MACROD2: variants seen among roughly 807,000 people sequenced by gnomAD.
MACROD2 encodes mono-ADP ribosylhydrolase 2, also known as ADP-ribose glycohydrolase MACROD2.
A neutral mutation model predicts 70.4 loss-of-function variants in MACROD2; 36 were observed. The ratio of observed to expected loss-of-function variants is 0.51; its 90% CI spans 0.39 to 0.68. The LOEUF is 0.68. MACROD2 is among the 30% of genes least tolerant of loss of function. MACROD2 has a pLI of 0.00. For synonymous variants in MACROD2, 172 were observed against 178.8 expected, an observed-to-expected ratio of 0.96 and a Z score of 0.30; for missense variants, 496 against 538.4, an observed-to-expected ratio of 0.92 and a Z score of 0.78.
chr20:14,186,619 T>C (rs777869366), intron 3 of MACROD2, among the ~76,000 whole-genome samples: 1 of 152,110 alleles, frequency 6.6e-6, no homozygotes, highest in Non-Finnish European at 1.5e-5. Flanking sequence ...CGAAACTAAA[T>C]CATTCTGCCA....
chr20:15,217,664 C>A (rs904889083), intron 5 of MACROD2, among the ~76,000 whole-genome samples: 7 of 152,156 alleles, frequency 4.6e-5, no homozygotes, highest in Non-Finnish European at 1.0e-4. Flanking sequence ...CATATCATCT[C>A]AACCACAACC....
chr20:15,733,204 C>T (rs919025919), intron 8 of MACROD2, among the ~76,000 whole-genome samples: 1 of 151,894 alleles, frequency 6.6e-6, no homozygotes, highest in Non-Finnish European at 1.5e-5. Context: ...AGTAATGTTC[C>T]TCTTTCATGT....
intron 3 of MACROD2, among the ~76,000 whole-genome samples, chr20:14,425,921 T>C (rs1039145409): frequency 1.3e-5 from 2 of 152,224 alleles, no homozygotes; most frequent in Admixed American, 6.5e-5. Flanking sequence ...CCTTTTACTT[T>C]GTTGATGGTT....
intron 8 of MACROD2, among the ~76,000 whole-genome samples, chr20:15,645,395 A>T (rs2049525556): frequency 6.6e-6 from 1 of 152,174 alleles, no homozygotes; most frequent in African/African-American, 2.4e-5. Flanking sequence ...TTCTCCAATT[A>T]TCTGAGCTTT....
chr20:14,689,454 A>G (rs1461620999), intron 5 of MACROD2, among the ~76,000 whole-genome samples: 1 of 152,208 alleles, frequency 6.6e-6, no homozygotes, highest in Non-Finnish European at 1.5e-5. Flanking sequence ...TGATGAATGA[A>G]TGAATAAAAC....
At position 16,047,983 on chromosome 20, in the gene MACROD2, G is replaced by A. The variant is rs567212088; in HGVS notation, c.1301-1847G>A. ...GGGAGAGAAAAAGGCTCCCAAGATA[G>A]ATAGAAACCGCAAATACACTGTGAG... On this transcript the variant is annotated intron_variant, in intron 17 of 17. Coordinates refer to ENST00000684519, the MANE Select transcript of MACROD2 (RefSeq NM_001351661.2). Among the ~76,000 whole-genome samples the A allele has an allele frequency of 2.0e-5, 3 of 152,258 alleles. No homozygotes were observed. In the East Asian group the frequency reaches 5.8e-4, roughly 29 times the overall value.
intron 5 of MACROD2, among the ~76,000 whole-genome samples, chr20:15,124,273 T>C (rs1175538551): frequency 1.3e-5 from 2 of 151,370 alleles, no homozygotes; most frequent in African/African-American, 4.8e-5. Context: ...TTTTATACTA[T>C]AGGAAAGTAA....
chr20:15,520,260 T>C (rs1459972703), intron 8 of MACROD2, among the ~76,000 whole-genome samples: 1 of 152,224 alleles, frequency 6.6e-6, no homozygotes, highest in African/African-American at 2.4e-5. Flanking sequence ...CTAAATAAAG[T>C]TCCACATGGA....
At chr20:15,421,546 A>T (rs997215454) in intron 6 of MACROD2, among the ~76,000 whole-genome samples, 2 of 152,222 alleles carry the variant, frequency 1.3e-5, no homozygotes, top group Admixed American at 6.5e-5. Flanking sequence ...ATCAATATAC[A>T]CTGACATTGA....
Position 14,153,035 on chromosome 20 carries a change from TTA to T in MACROD2, c.271+67310_271+67311del, listed in dbSNP as rs572234642. On this transcript the variant is annotated intron_variant, in intron 3 of 17. Transcript: ENST00000684519. ...TAGATAAAAAATAAATTAAATGTTA[TTA>T]TAGATAGATGTCAATAATCAACTCT... Among the ~76,000 whole-genome samples the T allele has an allele frequency of 9.0e-4, 137 of 152,324 alleles. 1 individual carries two copies. The highest frequency in any genetic ancestry group is 3.1e-3 in the African/African-American group (128 of 41,560).
intron 3 of MACROD2, among the ~76,000 whole-genome samples, chr20:14,401,875 G>A (rs2083641498): frequency 6.6e-6 from 1 of 152,074 alleles, no homozygotes; most frequent in Non-Finnish European, 1.5e-5. Context: ...TCTTGTATGG[G>A]AGAGGGTGTG....
At chr20:14,732,469 A>T (rs2071610799) in intron 5 of MACROD2, among the ~76,000 whole-genome samples, 1 of 152,158 alleles carries the variant, frequency 6.6e-6, no homozygotes, top group Non-Finnish European at 1.5e-5. Context: ...TAGATTTATG[A>T]AGGGGGAAAA....
chr20:14,407,680 G>A (rs2083706545), intron 3 of MACROD2, among the ~76,000 whole-genome samples: 1 of 152,130 alleles, frequency 6.6e-6, no homozygotes, highest in South Asian at 2.1e-4. Context: ...TACATTTACT[G>A]AAACTACCAA....
chr20:15,088,400 TATATATATATATATATATATATATATA>T (rs2075765682), intron 5 of MACROD2, among the ~76,000 whole-genome samples: 14 of 7,402 alleles, frequency 1.9e-3, no homozygotes, highest in African/African-American at 5.3e-3. Flanking sequence ...CTATATTTTA[TATATATATATATATATATATATATATA>T]TATATATATA....
At chr20:14,398,421 T>G (rs2122827531) in intron 3 of MACROD2, among the ~76,000 whole-genome samples, 1 of 141,660 alleles carries the variant, frequency 7.1e-6, no homozygotes, top group African/African-American at 2.5e-5. Context: ...TTTTTTTTTT[T>G]GGTCTTTTTG....
intron 3 of MACROD2, among the ~76,000 whole-genome samples, chr20:14,197,384 A>G (rs936256482): frequency 6.6e-6 from 1 of 152,220 alleles, no homozygotes; most frequent in African/African-American, 2.4e-5. Context: ...AAAAGGTATT[A>G]CTAACATCTT....
intron 5 of MACROD2, among the ~76,000 whole-genome samples, chr20:14,758,856 T>A (rs929625751): frequency 3.9e-5 from 6 of 152,114 alleles, no homozygotes; most frequent in Non-Finnish European, 8.8e-5. Context: ...AATCTTGAAA[T>A]TGATCATTTT....
chr20:15,000,220 C>T (rs1324935401), intron 5 of MACROD2, among the ~76,000 whole-genome samples: 1 of 151,926 alleles, frequency 6.6e-6, no homozygotes, highest in Non-Finnish European at 1.5e-5. Context: ...TTTTATTTTC[C>T]TCAGAAAGCA....
chr20:15,610,187 T>G (rs749979727), intron 8 of MACROD2, among the ~76,000 whole-genome samples: 43 of 152,234 alleles, frequency 2.8e-4, no homozygotes, highest in Non-Finnish European at 5.3e-4. Context: ...CTCAGTATGT[T>G]ACCCATCTAC....
Sources: allele counts gnomAD v4.1 joint callset (sites outside exome capture counted in the v4.1 genomes callset), GRCh38; gene constraint gnomAD v4.1.1; transcripts MANE v1.5; gene names NCBI Gene and HGNC (gene_info 2026-07-23, HGNC 2026-07-21).